TLN2: variants seen among roughly 807,000 people sequenced by gnomAD.
The protein encoded by TLN2 is talin 2, also known as talin-2.
In TLN2, 118 loss-of-function variants were observed where a neutral mutation model predicts 294.7. That is an observed-to-expected ratio of 0.40 (90% CI 0.34 to 0.47). TLN2 has a LOEUF of 0.47. Ranked by LOEUF, TLN2 falls within the 20% of genes least tolerant of loss-of-function variation. TLN2 has a pLI of 0.84. For missense variants in TLN2, 3,083 were observed against 3,282.2 expected (o/e 0.94, Z 1.48); for synonymous variants, 1,431 against 1,304.5 (o/e 1.10, Z -2.09).
chr15:62,820,656 C>A, intron 54 of TLN2, 46 bp downstream of exon 54: 1 of 1,592,360 alleles, frequency 6.3e-7, no homozygotes. Context: ...GTGGGTTCTT[C>A]CAGTGGGTGG....
rs1555451272 is a variant in TLN2, at chr15:62,631,518, C to CCTTTCCTTTCCT, written c.-37+13043_-37+13044insCTTTCCTTTCCT. Among the ~76,000 whole-genome samples, 7 of 89,646 alleles carry CCTTTCCTTTCCT rather than the reference C, an allele frequency of 7.8e-5. No individual in the cohort carries two copies. In the East Asian group the frequency reaches 9.1e-4, roughly 12 times the overall value. The allele number at this position is 89,646 out of a possible 152,430, so 58.8% of individuals were successfully genotyped here. On this transcript the variant is annotated intron_variant, in intron 3 of 58. Coordinates refer to ENST00000636159, the MANE Select transcript of TLN2 (RefSeq NM_015059.3). The stretch of plus-strand genomic sequence containing the variant: ...TTCTTCCTCTTTTCTTTCTTTCTTT[C>CCTTTCCTTTCCT]TTCCTTTCCTTTCCTTTCCTTTCCT...
intron 39 of TLN2, chr15:62,763,120 A>G (rs1472148243): frequency 6.5e-6 from 1 of 154,170 alleles, no homozygotes; most frequent in Non-Finnish European, 1.4e-5. Context: ...AAAATTCACT[A>G]CATGTTTTAA....
intron 1 of TLN2, among the ~76,000 whole-genome samples, chr15:62,552,337 C>T (rs1289359576): frequency 6.6e-6 from 1 of 152,134 alleles, no homozygotes; most frequent in Non-Finnish European, 1.5e-5. Context: ...CCATATTTGT[C>T]AATTTGCCTA....
intron 1 of TLN2, among the ~76,000 whole-genome samples, chr15:62,573,538 C>T (rs990267638): frequency 6.6e-6 from 1 of 152,160 alleles, no homozygotes; most frequent in African/African-American, 2.4e-5. Flanking sequence ...GAGAACCCTC[C>T]TTCTATCTTG....
At chr15:62,601,405 C>G (rs1199615280) in intron 2 of TLN2, among the ~76,000 whole-genome samples, 1 of 152,132 alleles carries the variant, frequency 6.6e-6, no homozygotes, top group African/African-American at 2.4e-5. Flanking sequence ...TTAACATGTT[C>G]CTCTCTTCCT....
At chr15:62,464,331 C>G (rs926841353) in intron 1 of TLN2, among the ~76,000 whole-genome samples, 2 of 152,112 alleles carry the variant, frequency 1.3e-5, no homozygotes, top group Non-Finnish European at 2.9e-5. Flanking sequence ...GGACAGAAAA[C>G]CAAACACTAC....
chr15:62,708,675 T>C lies in TLN2; in HGVS notation c.2346T>C (p.His782=). 6.2e-7 allele frequency: 1 copy of C among 1,614,106 alleles called. No homozygotes were observed. The highest frequency in any genetic ancestry group is 8.5e-7 in the Non-Finnish European group (1 of 1,180,036). The change falls in exon 21 of 59, where the codon CAT becomes CAC. Residue 782 remains histidine, a synonymous_variant. Coordinates refer to ENST00000636159, the MANE Select transcript of TLN2 (RefSeq NM_015059.3). ...AAASVVSQAL[H]DLLQHVRQFA... ...CCAGCGTGGTCAGCCAGGCCCTCCA[T>C]GATCTCCTGCAGCATGTGCGGCAGT...
At chr15:62,796,452 C>G (rs1210720535) in intron 47 of TLN2, among the ~76,000 whole-genome samples, 159 bp downstream of exon 47, 1 of 152,278 alleles carries the variant, frequency 6.6e-6, no homozygotes, top group South Asian at 2.1e-4. Flanking sequence ...TCAGAATAAG[C>G]CCCCTTTGCC....
At chr15:62,641,320 A>G (rs905291688) in intron 3 of TLN2, among the ~76,000 whole-genome samples, 7 of 152,156 alleles carry the variant, frequency 4.6e-5, no homozygotes, top group South Asian at 2.1e-4. Flanking sequence ...GTTATTAATA[A>G]TAATAACAAG....
chr15:62,408,193 G>A (rs1417685472), intron 1 of TLN2, among the ~76,000 whole-genome samples: 1 of 152,010 alleles, frequency 6.6e-6, no homozygotes, highest in African/African-American at 2.4e-5. Flanking sequence ...AAACTGAGAG[G>A]GTGTGGCCTT....
intron 46 of TLN2, among the ~76,000 whole-genome samples, chr15:62,793,025 C>T (rs2065187111): frequency 6.6e-6 from 1 of 152,200 alleles, no homozygotes; most frequent in Non-Finnish European, 1.5e-5. Context: ...AAGGTCAGGC[C>T]CTGGCACTCC....
chr15:62,746,149 A>G (rs1263421999), intron 32 of TLN2, among the ~76,000 whole-genome samples: 3 of 136,842 alleles, frequency 2.2e-5, no homozygotes, highest in African/African-American at 8.3e-5. Flanking sequence ...TTATATAGCA[A>G]CAAGGTTTTT....
intron 1 of TLN2, among the ~76,000 whole-genome samples, chr15:62,431,849 T>C (rs1013629636): frequency 6.6e-6 from 1 of 152,230 alleles, no homozygotes; most frequent in Non-Finnish European, 1.5e-5. Context: ...TTGGTGTAAA[T>C]ATTTTGTGGA....
chr15:62,628,333 G>A (rs767766612), intron 3 of TLN2, among the ~76,000 whole-genome samples: 1 of 152,204 alleles, frequency 6.6e-6, no homozygotes, highest in Non-Finnish European at 1.5e-5. Context: ...CAGATTTCAC[G>A]GTGTAGGCAT....
At chr15:62,579,890 G>A (rs2044768388) in intron 1 of TLN2, among the ~76,000 whole-genome samples, 1 of 152,194 alleles carries the variant, frequency 6.6e-6, no homozygotes, top group African/African-American at 2.4e-5. Context: ...AAAAATGGAG[G>A]AGCATGCACC....
At chr15:62,693,722 A>T (rs2058099109) in intron 13 of TLN2, among the ~76,000 whole-genome samples, 1 of 152,176 alleles carries the variant, frequency 6.6e-6, no homozygotes, top group Non-Finnish European at 1.5e-5. Flanking sequence ...TAGAATGTTA[A>T]TATGTGCATC....
chr15:62,447,437 A>G (rs923939926), intron 1 of TLN2, among the ~76,000 whole-genome samples: 10 of 151,856 alleles, frequency 6.6e-5, no homozygotes, highest in South Asian at 4.2e-4. Context: ...TCACACTTCA[A>G]AATCTCTGAG....
chr15:62,702,311 G>A, intron 18 of TLN2, 111 bp downstream of exon 18: 1 of 1,203,246 alleles, frequency 8.3e-7, no homozygotes, highest in Admixed American at 2.4e-5. Flanking sequence ...GATGGGGTGT[G>A]TTTCTCTCTG....
intron 1 of TLN2, among the ~76,000 whole-genome samples, chr15:62,443,262 TTAA>T: frequency 6.6e-6 from 1 of 152,364 alleles, no homozygotes; most frequent in South Asian, 2.1e-4. Flanking sequence ...GCAATCCAGC[TTAA>T]TAAATGCCTT....
Sources: allele counts gnomAD v4.1 joint callset (sites outside exome capture counted in the v4.1 genomes callset), GRCh38; gene constraint gnomAD v4.1.1; transcripts MANE v1.5; gene names NCBI Gene and HGNC (gene_info 2026-07-23, HGNC 2026-07-21).